Variants in ICA1L observed in about 807,000 individuals in gnomAD.
ICA1L encodes the protein islet cell autoantigen 1 like.
A neutral mutation model predicts 61.3 loss-of-function variants in ICA1L; 50 were observed. That is an observed-to-expected ratio of 0.82 (90% confidence interval 0.65 to 1.03). ICA1L has a LOEUF of 1.03. Among genes scored for constraint, ICA1L ranks in the 50% least tolerant of loss-of-function variants. The pLI, the probability that ICA1L is intolerant of heterozygous loss-of-function variation, is 0.00. For missense variants in ICA1L, 508 were observed against 556.7 expected (o/e 0.91, Z 0.88); for synonymous variants, 161 against 191.3 (o/e 0.84, Z 1.31).
intron 1 of ICA1L, among the ~76,000 whole-genome samples, chr2:202,865,085 T>G (rs1385978651): frequency 1.3e-5 from 2 of 151,272 alleles, no homozygotes; most frequent in Non-Finnish European, 2.9e-5. Context: ...ATTGCTTGAA[T>G]CCGGGAGGTG....
At chr2:202,814,617 G>A (rs1383833601) in intron 8 of ICA1L, 85 bp downstream of exon 8, 4 of 850,886 alleles carry the variant, frequency 4.7e-6, no homozygotes, top group Non-Finnish European at 7.7e-6. Flanking sequence ...TATTCAGTAA[G>A]AGAAGAAACA....
intron 2 of ICA1L, among the ~76,000 whole-genome samples, chr2:202,826,363 C>G (rs558520662): frequency 6.6e-6 from 1 of 152,130 alleles, no homozygotes; most frequent in East Asian, 1.9e-4. Context: ...AAATTAAGCA[C>G]GTGAAAATTT....
intron 12 of ICA1L, among the ~76,000 whole-genome samples, chr2:202,779,937 T>C (rs1202406638): frequency 6.6e-6 from 1 of 151,480 alleles, no homozygotes; most frequent in African/African-American, 2.4e-5. Context: ...GAACCACTGC[T>C]CCTGGTTTAA....
intron 9 of ICA1L, among the ~76,000 whole-genome samples, chr2:202,797,403 T>C (rs547886480): frequency 3.3e-5 from 5 of 152,352 alleles, no homozygotes; most frequent in Non-Finnish European, 4.4e-5. Context: ...TATTGTTTAA[T>C]TGACAAAAGT....
intron 10 of ICA1L, among the ~76,000 whole-genome samples, chr2:202,789,746 T>G (rs1258144445): frequency 6.6e-6 from 1 of 152,156 alleles, no homozygotes; most frequent in Non-Finnish European, 1.5e-5. Context: ...AAAATAATGA[T>G]GAAGAAAATA....
At chr2:202,784,060 G>T (rs1055860046) in intron 12 of ICA1L, among the ~76,000 whole-genome samples, 3 of 152,130 alleles carry the variant, frequency 2.0e-5, no homozygotes, top group Non-Finnish European at 2.9e-5. Flanking sequence ...ATATCACAAG[G>T]ATTCAGAAGT....
intron 3 of ICA1L, 127 bp downstream of exon 3, chr2:202,825,566 CTG>C (rs1395706454): frequency 5.4e-5 from 72 of 1,344,258 alleles, no homozygotes; most frequent in Non-Finnish European, 6.9e-5. Context: ...GAACAGGTAA[CTG>C]TAAATATTCA....
At chr2:202,816,963 T>C (rs1021287202) in intron 6 of ICA1L, among the ~76,000 whole-genome samples, 6 of 152,180 alleles carry the variant, frequency 3.9e-5, no homozygotes, top group African/African-American at 1.4e-4. Flanking sequence ...TAGAAAACTT[T>C]GGTTTCTAAG....
At chr2:202,786,406 G>A (rs949136079) in intron 11 of ICA1L, among the ~76,000 whole-genome samples, 32 of 151,916 alleles carry the variant, frequency 2.1e-4, no homozygotes, top group African/African-American at 3.9e-4. Flanking sequence ...AAAATTAGCC[G>A]GGCGCGGTGG....
intron 3 of ICA1L, among the ~76,000 whole-genome samples, chr2:202,822,284 C>T (rs940967622): frequency 6.6e-6 from 1 of 152,104 alleles, no homozygotes; most frequent in African/African-American, 2.4e-5. Flanking sequence ...GCCTCAGCCT[C>T]CTGAGTAGCT....
At chr2:202,832,704 T>C (rs1459073895) in intron 1 of ICA1L, among the ~76,000 whole-genome samples, 2 of 152,034 alleles carry the variant, frequency 1.3e-5, no homozygotes, top group East Asian at 1.9e-4. Flanking sequence ...TCTTGAGCCC[T>C]GAAGTTTGAG....
intron 8 of ICA1L, among the ~76,000 whole-genome samples, chr2:202,812,525 C>T (rs568215707): frequency 2.7e-4 from 41 of 151,632 alleles, no homozygotes; most frequent in African/African-American, 8.0e-4. Flanking sequence ...TGCAGTGAGC[C>T]GAGATCATGC....
At chr2:202,809,165 G>A (rs1413519278) in intron 9 of ICA1L, among the ~76,000 whole-genome samples, 1 of 152,068 alleles carries the variant, frequency 6.6e-6, no homozygotes, top group Non-Finnish European at 1.5e-5. Context: ...AAGGAATTCA[G>A]AATCCTATCA....
At chr2:202,799,231 C>T (rs1481522535) in intron 9 of ICA1L, among the ~76,000 whole-genome samples, 1 of 152,042 alleles carries the variant, frequency 6.6e-6, no homozygotes, top group Non-Finnish European at 1.5e-5. Flanking sequence ...GTTTACATTC[C>T]CACCAACAGT....
At chr2:202,854,929 G>A (rs1024915571) in intron 1 of ICA1L, among the ~76,000 whole-genome samples, 5 of 152,082 alleles carry the variant, frequency 3.3e-5, no homozygotes, top group East Asian at 1.9e-4. Flanking sequence ...GGGAGGCTGC[G>A]GCAGGAGAAT....
Position 202,788,735 on chromosome 2 carries a change from A to G in ICA1L, c.1243+95T>C. ...ATCTAGTAGTGCTGACATTAAAATC[A>G]ATCTGCTTGTTGGTTCTAGCATCAA... is the stretch of plus-strand genomic sequence containing the variant. On this transcript the variant is annotated intron_variant, in intron 11 of 12. Transcript: ENST00000358299. 7.8e-6 allele frequency: 10 copies of G among 1,282,638 alleles called. No individual in the cohort carries two copies. In the South Asian group the frequency reaches 1.3e-4, roughly 17 times the overall value. 79.5% of individuals were successfully genotyped at this position (1,282,638 alleles called of 1,614,324 possible). A position where few individuals can be genotyped will look rare whatever the true frequency, so the allele number is the denominator to read the frequency against.
At position 202,789,575 on chromosome 2, in the gene ICA1L, A is replaced by G. The variant is rs559738140; in HGVS notation, c.986-488T>C. On this transcript the variant is annotated intron_variant, in intron 10 of 12. Transcript: ENST00000358299. The stretch of plus-strand genomic sequence containing the variant: ...TTATACTAAGGCACACACACACAAA[A>G]ATTGTGTTCTTAAAGTAGGAACATT... 3.3e-5 allele frequency among the ~76,000 whole-genome samples: 5 copies of G among 152,276 alleles called. No individual in the cohort carries two copies. The East Asian group carries it at 7.7e-4, about 23-fold the overall frequency.
At chr2:202,862,272 CAAAA>C (rs778355110) in intron 1 of ICA1L, among the ~76,000 whole-genome samples, 5 of 62,972 alleles carry the variant, frequency 7.9e-5, no homozygotes, top group Admixed American at 2.2e-4. Flanking sequence ...CTCATTTCTA[CAAAA>C]AAAAAAAAAA....
chr2:202,836,800 T>TATATATAGATATATAG (rs1462443281), intron 1 of ICA1L, among the ~76,000 whole-genome samples: 2 of 145,790 alleles, frequency 1.4e-5, no homozygotes, highest in Non-Finnish European at 3.0e-5. Context: ...TATATCTATA[T>TATATATAGATATATAG]ATATAGATAT....
Sources: allele counts gnomAD v4.1 joint callset (sites outside exome capture counted in the v4.1 genomes callset), GRCh38; gene constraint gnomAD v4.1.1; transcripts MANE v1.5; gene names NCBI Gene and HGNC (gene_info 2026-07-23, HGNC 2026-07-21).